Variants in EIF4G3 observed in about 807,000 individuals in gnomAD.
EIF4G3 encodes the protein eukaryotic translation initiation factor 4 gamma 3.
A neutral mutation model predicts 186.4 loss-of-function variants in EIF4G3; 34 were observed. The observed-to-expected ratio is 0.18, with a 90% confidence interval of 0.14 to 0.24. The LOEUF (loss-of-function observed/expected upper bound fraction) is 0.24, where lower values mean the gene tolerates loss of function less well. EIF4G3 is among the 10% of genes least tolerant of loss of function. The pLI, the probability that EIF4G3 is intolerant of heterozygous loss-of-function variation, is 1.00. For missense variants in EIF4G3, 1,536 were observed against 1,948.5 expected (o/e 0.79, Z 3.99); for synonymous variants, 673 against 679.5 (o/e 0.99, Z 0.15).
chr1:21,014,928 C>A (rs985468094), intron 4 of EIF4G3, among the ~76,000 whole-genome samples: 36 of 151,976 alleles, frequency 2.4e-4, no homozygotes, highest in Non-Finnish European at 4.4e-5. Flanking sequence ...AGCCACCATG[C>A]CCAGCCTCTA....
At chr1:21,044,811 C>T (rs1279420010) in intron 4 of EIF4G3, among the ~76,000 whole-genome samples, 4 of 152,140 alleles carry the variant, frequency 2.6e-5, no homozygotes, top group Non-Finnish European at 5.9e-5. Context: ...TCACACCTAG[C>T]TAGTATTTTT....
At chr1:21,116,566 G>A (rs919618320) in intron 2 of EIF4G3, among the ~76,000 whole-genome samples, 4 of 152,016 alleles carry the variant, frequency 2.6e-5, no homozygotes, top group East Asian at 3.9e-4. Context: ...GGCCAGGCGC[G>A]GCGGCTCACA....
chr1:20,969,511 G>A lies in EIF4G3; in HGVS notation c.677C>T (p.Pro226Leu). ...AGGTGTGGACGTGGGTCTTCCTATG[G>A]GTGGAGTAGGATTTCTGCTGCCACC... Reference protein sequence around the residue: ...SGGGSRNPTPPIGRPTSTPTP... With the variant: ...SGGGSRNPTPLIGRPTSTPTP... The change falls in exon 12 of 37, where the codon CCC becomes CTC. Residue 226 changes from proline to leucine, a missense_variant. Coordinates refer to ENST00000602326, the MANE Select transcript of EIF4G3 (RefSeq NM_001391906.1). 6.2e-7 allele frequency: 1 copy of A among 1,613,832 alleles called. No individual in the cohort carries two copies. The highest frequency in any genetic ancestry group is 1.1e-5 in the South Asian group (1 of 91,072).
chr1:21,102,099 T>C (rs942875120), intron 2 of EIF4G3, among the ~76,000 whole-genome samples: 4 of 152,176 alleles, frequency 2.6e-5, no homozygotes, highest in Non-Finnish European at 5.9e-5. Context: ...TGCAGTTTTA[T>C]ATGGTAAGCT....
intron 35 of EIF4G3, among the ~76,000 whole-genome samples, chr1:20,812,908 G>A (rs1208656346): frequency 1.3e-5 from 2 of 152,186 alleles, no homozygotes; most frequent in South Asian, 2.1e-4. Flanking sequence ...TACACGCAAC[G>A]TAGTGAAAAA....
At chr1:21,050,390 T>A (rs2094139592) in intron 4 of EIF4G3, among the ~76,000 whole-genome samples, 1 of 152,160 alleles carries the variant, frequency 6.6e-6, no homozygotes, top group Non-Finnish European at 1.5e-5. Flanking sequence ...CAACAAAAAC[T>A]TAAGCCTATC....
At chr1:21,115,644 A>G (rs949046816) in intron 2 of EIF4G3, among the ~76,000 whole-genome samples, 1 of 152,236 alleles carries the variant, frequency 6.6e-6, no homozygotes, top group Non-Finnish European at 1.5e-5. Flanking sequence ...AATGTGTACT[A>G]CTTCAGAGAG....
intron 11 of EIF4G3, among the ~76,000 whole-genome samples, chr1:20,972,139 G>T (rs2076023909): frequency 1.3e-5 from 2 of 151,902 alleles, no homozygotes; most frequent in Admixed American, 1.3e-4. Context: ...CAATTCTCTT[G>T]GGCCTGCCTC....
chr1:20,944,806 G>A lies in EIF4G3; in HGVS notation c.824-2476C>T, dbSNP rs550106390. ...TCCCAGCACTTTGGGAGGCCAAGGG[G>A]GAGGATCACTTGAGCCCAGGAGGTC... On this transcript the variant is annotated intron_variant, in intron 13 of 36. Coordinates refer to ENST00000602326, the MANE Select transcript of EIF4G3 (RefSeq NM_001391906.1). 2.6e-3 allele frequency among the ~76,000 whole-genome samples: 395 copies of A among 151,994 alleles called. 4 individuals carry two copies. Among genetic ancestry groups the A allele is most frequent in the African/African-American group, 9.3e-3 (384 of 41,466 alleles).
rs964293578 is a variant in EIF4G3 at position 20,881,295 on chromosome 1, C to G, written c.2425-1775G>C. ...CACAAGAAAGGGGAGAAAAAGAACC[C>G]TGACCTATTATCTTGCACCTTGTAC... On this transcript the variant is annotated intron_variant, in intron 19 of 36. Coordinates refer to ENST00000602326, the MANE Select transcript of EIF4G3 (RefSeq NM_001391906.1). Among the ~76,000 whole-genome samples the G allele has an allele frequency of 1.5e-4, 23 of 152,292 alleles. 1 individual carries two copies. The Middle Eastern group carries it at 0.01, about 68-fold the overall frequency.
At chr1:21,101,197 C>G (rs1174442651) in intron 2 of EIF4G3, among the ~76,000 whole-genome samples, 2 of 152,056 alleles carry the variant, frequency 1.3e-5, no homozygotes, top group Non-Finnish European at 2.9e-5. Flanking sequence ...AACATCCTCC[C>G]AAAGTGCTGG....
At chr1:21,127,687 C>T (rs1478173798) in intron 2 of EIF4G3, among the ~76,000 whole-genome samples, 1 of 152,180 alleles carries the variant, frequency 6.6e-6, no homozygotes, top group Non-Finnish European at 1.5e-5. Context: ...TAACTAGCAT[C>T]TTACATTGTA....
chr1:21,076,597 T>C (rs571722323), intron 3 of EIF4G3, among the ~76,000 whole-genome samples: 12 of 152,186 alleles, frequency 7.9e-5, no homozygotes, highest in Non-Finnish European at 1.0e-4. Context: ...ACTAAAAACA[T>C]AGACCAATGG....
chr1:21,128,240 G>A (rs1395497105), intron 2 of EIF4G3, among the ~76,000 whole-genome samples: 1 of 149,680 alleles, frequency 6.7e-6, no homozygotes, highest in East Asian at 2.0e-4. Context: ...TGGGTGTGGT[G>A]GCTCACTCCT....
At chr1:20,868,090 C>CTGTTTTTTTTTTTTTT (rs2078044005) in intron 20 of EIF4G3, among the ~76,000 whole-genome samples, 1 of 90,414 alleles carries the variant, frequency 1.1e-5, no homozygotes, top group Admixed American at 1.7e-4. Context: ...TGGTGATTTT[C>CTGTTTTTTTTTTTTTT]TTTTTTTTTT....
intron 4 of EIF4G3, among the ~76,000 whole-genome samples, chr1:21,032,691 A>G (rs2154571994): frequency 6.6e-6 from 1 of 152,330 alleles, no homozygotes; most frequent in East Asian, 1.9e-4. Context: ...ATGAAGAGTT[A>G]CTAACAAAAA....
intron 3 of EIF4G3, among the ~76,000 whole-genome samples, chr1:21,068,017 T>C (rs2154579628): frequency 6.6e-6 from 1 of 152,164 alleles, no homozygotes; most frequent in East Asian, 1.9e-4. Flanking sequence ...TTCATCAGAT[T>C]TTCAAAAGGG....
At chr1:20,966,110 G>A (rs1036217166) in intron 12 of EIF4G3, among the ~76,000 whole-genome samples, 2 of 152,162 alleles carry the variant, frequency 1.3e-5, no homozygotes, top group Non-Finnish European at 2.9e-5. Context: ...CAGGTCTTCT[G>A]TTTCCCTTTA....
At chr1:21,106,348 G>T (rs553823102) in intron 2 of EIF4G3, among the ~76,000 whole-genome samples, 1 of 152,228 alleles carries the variant, frequency 6.6e-6, no homozygotes, top group South Asian at 2.1e-4. Context: ...AAAGGTAGTG[G>T]CCTAGAAGAC....
Sources: gnomAD v4.1 joint callset for allele counts (sites outside exome capture counted in the v4.1 genomes callset) on GRCh38, gnomAD v4.1.1 for gene constraint, MANE v1.5 for transcripts, NCBI Gene and HGNC (gene_info 2026-07-23, HGNC 2026-07-21) for gene names.